The following SAMD5 variants were observed in gnomAD, a reference collection of about 807,000 sequenced individuals.
The protein encoded by SAMD5 is sterile alpha motif domain-containing protein 5.
A neutral mutation model predicts 11.3 loss-of-function variants in SAMD5; 13 were observed. That is an observed-to-expected ratio of 1.15 (90% CI 0.75 to 1.83). The LOEUF (loss-of-function observed/expected upper bound fraction) is 1.83. Among genes scored for constraint, SAMD5 ranks in the 40% most tolerant of loss-of-function variants. The probability of loss-of-function intolerance (pLI) is 0.00; values close to 1 mark genes in which losing one functional copy is unlikely to be tolerated. For missense variants in SAMD5, 255 were observed against 239.1 expected, an observed-to-expected ratio of 1.07 and a Z score of -0.44; for synonymous variants, 129 against 111.3, an observed-to-expected ratio of 1.16 and a Z score of -1.00.
At chr6:147,899,469 T>C in the SAMD5 span, among the ~76,000 whole-genome samples, 33,970 of 152,088 alleles carry the variant, frequency 0.22, 3,893 homozygotes, top group African/African-American at 0.25. Flanking sequence ...AATTTAAAAA[T>C]GAGAAGAAAT....
At position 147,567,955 on chromosome 6, in the gene SAMD5, A is replaced by T. The variant is rs1360794537; in HGVS notation, c.*3499A>T. 7.1e-6 allele frequency: 7 copies of T among 985,976 alleles called. No individual in the cohort carries two copies. Among genetic ancestry groups the T allele is most frequent in the Non-Finnish European group, 8.4e-6 (7 of 830,468 alleles). The allele number at this position is 985,976 out of a possible 1,614,324, so 61.1% of individuals were successfully genotyped here. A position where few individuals can be genotyped will look rare whatever the true frequency, so the allele number is the denominator to read the frequency against. ...CAAAACAAAACAAAACAGCAAATTC[A>T]TAAAGGCCAGCAGTTTTCAAGTCTG... is the stretch of plus-strand genomic sequence containing the variant. On this transcript the variant is annotated 3_prime_UTR_variant, in exon 2 of 2. Coordinates refer to ENST00000367474, the MANE Select transcript of SAMD5 (RefSeq NM_001030060.3).
At chr6:147,536,936 G>A (rs1307362171) in intron 1 of SAMD5, among the ~76,000 whole-genome samples, 1 of 152,072 alleles carries the variant, frequency 6.6e-6, no homozygotes, top group Admixed American at 6.5e-5. Flanking sequence ...AAGAGCACCT[G>A]TTAAATTTTA....
downstream of SAMD5, among the ~76,000 whole-genome samples, chr6:147,741,083 A>G (rs1791873167): frequency 6.6e-6 from 1 of 152,204 alleles, no homozygotes; most frequent in African/African-American, 2.4e-5. Context: ...TGTCTCAGGT[A>G]CTTCTTGAAA....
chr6:147,876,475 C>T, the SAMD5 span, among the ~76,000 whole-genome samples: 6 of 152,136 alleles, frequency 3.9e-5, no homozygotes, highest in Non-Finnish European at 5.9e-5. Flanking sequence ...CATAGACTTC[C>T]CATGATTCTC....
intron 1 of SAMD5, among the ~76,000 whole-genome samples, chr6:147,554,135 A>G (rs1788815018): frequency 6.6e-6 from 1 of 152,184 alleles, no homozygotes; most frequent in South Asian, 2.1e-4. Context: ...AGGAAGGAGA[A>G]GTGCTGAGCA....
At chr6:147,676,448 T>C (rs1790864489) in intron 1 of SAMD5, among the ~76,000 whole-genome samples, 1 of 152,254 alleles carries the variant, frequency 6.6e-6, no homozygotes, top group South Asian at 2.1e-4. Flanking sequence ...TCAGCACTCA[T>C]TATTTTTCTA....
At chr6:147,795,462 T>C in the SAMD5 span, among the ~76,000 whole-genome samples, 1 of 145,438 alleles carries the variant, frequency 6.9e-6, no homozygotes, top group African/African-American at 2.6e-5. Flanking sequence ...ATCCAGTCTA[T>C]CATTGTTGGA....
chr6:147,509,089 G>A lies in SAMD5; in HGVS notation c.161G>A (p.Arg54His). 3 of 1,598,156 alleles carry A rather than the reference G, an allele frequency of 1.9e-6. No individual in the cohort carries two copies. The highest frequency in any genetic ancestry group is 2.6e-6 in the Non-Finnish European group (3 of 1,173,688). Residue 54 changes from arginine (R) to histidine (H), a missense_variant, in exon 1 of 2, where the codon CGT becomes CAT. Physicochemically the swap from Arg to His is conservative, Grantham distance 29. Coordinates refer to ENST00000367474, the MANE Select transcript of SAMD5 (RefSeq NM_001030060.3). ...IGVLAPAHRR[R>H]ILEAVRRLRE... Reference sequence around the variant, plus strand: ...GTGCTGGCGCCCGCGCACCGCCGCCGTATCCTGGAGGCCGTGCGCCGGCTG... The same window carrying A: ...GTGCTGGCGCCCGCGCACCGCCGCCATATCCTGGAGGCCGTGCGCCGGCTG...
At chr6:147,776,986 G>A in the SAMD5 span, among the ~76,000 whole-genome samples, 23 of 152,236 alleles carry the variant, frequency 1.5e-4, no homozygotes, top group African/African-American at 5.3e-4. Context: ...GCACATTCAA[G>A]ACTGCCTTCT....
At chr6:147,759,947 A>C in the SAMD5 span, among the ~76,000 whole-genome samples, 1 of 152,222 alleles carries the variant, frequency 6.6e-6, no homozygotes, top group African/African-American at 2.4e-5. Flanking sequence ...TGAAAATTCC[A>C]TATCTACACT....
At chr6:147,776,294 T>G in the SAMD5 span, among the ~76,000 whole-genome samples, 1 of 152,214 alleles carries the variant, frequency 6.6e-6, no homozygotes, top group East Asian at 1.9e-4. Flanking sequence ...TATTTCAAAC[T>G]CTGAGCCCAT....
intron 1 of SAMD5, among the ~76,000 whole-genome samples, chr6:147,622,868 G>T (rs369121222): frequency 6.6e-6 from 1 of 152,152 alleles, no homozygotes; most frequent in Non-Finnish European, 1.5e-5. Context: ...AAGGTGAAAG[G>T]CACATCTTAC....
chr6:147,856,683 C>G, the SAMD5 span, among the ~76,000 whole-genome samples: 22 of 152,060 alleles, frequency 1.4e-4, no homozygotes, highest in Non-Finnish European at 5.9e-5. Flanking sequence ...CTCGCTGAGC[C>G]AAAGGATCCA....
At chr6:147,563,869 A>C (rs1213471600) in intron 1 of SAMD5, among the ~76,000 whole-genome samples, 4 of 152,252 alleles carry the variant, frequency 2.6e-5, no homozygotes, top group Non-Finnish European at 5.9e-5. Flanking sequence ...TTATACATAC[A>C]GATGATAATG....
At chr6:147,520,152 C>T (rs1167015429) in intron 1 of SAMD5, among the ~76,000 whole-genome samples, 3 of 146,434 alleles carry the variant, frequency 2.0e-5, no homozygotes, top group Non-Finnish European at 4.5e-5. Flanking sequence ...GAGTCTCGCT[C>T]TGTTGCCCAG....
chr6:147,849,548 A>C, the SAMD5 span, among the ~76,000 whole-genome samples: 3 of 152,268 alleles, frequency 2.0e-5, no homozygotes, highest in Admixed American at 2.0e-4. Flanking sequence ...GTTGGTACTA[A>C]AGTGCTTAAT....
chr6:147,770,684 T>C, the SAMD5 span, among the ~76,000 whole-genome samples: 3 of 152,230 alleles, frequency 2.0e-5, no homozygotes, highest in African/African-American at 7.2e-5. Flanking sequence ...TAAAAGACTT[T>C]CAATATTGAT....
chr6:147,632,274 A>G lies in SAMD5; in HGVS notation c.163-105043A>G, dbSNP rs775448646. On this transcript the variant is annotated intron_variant, in intron 1 of 1. Coordinates refer to the SAMD5 transcript ENST00000566741. ...AGTTTTTATTAAAGAGGAATTAATG[A>G]TGGAGGACCCTTGCATAGTGAGGAA... Among the ~76,000 whole-genome samples the G allele has an allele frequency of 2.6e-4, 39 of 152,356 alleles. 2 individuals carry two copies. The highest frequency in any genetic ancestry group is 2.4e-4 in the Non-Finnish European group (16 of 68,032).
chr6:147,803,010 T>C, the SAMD5 span, among the ~76,000 whole-genome samples: 1 of 152,224 alleles, frequency 6.6e-6, no homozygotes, highest in Non-Finnish European at 1.5e-5. Flanking sequence ...GTACTTCAGA[T>C]CTGTACATTT....
Sources: allele counts gnomAD v4.1 joint callset (sites outside exome capture counted in the v4.1 genomes callset), GRCh38; gene constraint gnomAD v4.1.1; transcripts MANE v1.5; gene names NCBI Gene and HGNC (gene_info 2026-07-23, HGNC 2026-07-21).